RYR3: variants seen among roughly 807,000 people sequenced by gnomAD.
RYR3 encodes ryanodine receptor 3.
A neutral mutation model predicts 584.3 loss-of-function variants in RYR3; 207 were observed. That is an observed-to-expected ratio of 0.35 (90% CI 0.32 to 0.40). RYR3 has a LOEUF of 0.40. Among genes scored for constraint, RYR3 ranks in the 10% least tolerant of loss-of-function variants. RYR3 has a pLI of 1.00. For synonymous variants in RYR3, 2,416 were observed against 2,248.5 expected, an observed-to-expected ratio of 1.07 and a Z score of -2.11; for missense variants, 5,616 against 6,089.2, an observed-to-expected ratio of 0.92 and a Z score of 2.59.
At chr15:33,670,094 CCCCCAAACATT>C (rs1342119052) in intron 37 of RYR3, among the ~76,000 whole-genome samples, 3 of 152,094 alleles carry the variant, frequency 2.0e-5, no homozygotes, top group African/African-American at 7.2e-5. Context: ...AGGGCCACGT[CCCCCAAACATT>C]CTTCCAGAGG....
intron 67 of RYR3, among the ~76,000 whole-genome samples, chr15:33,794,337 A>G (rs1234307801): frequency 7.5e-6 from 1 of 132,564 alleles, no homozygotes; most frequent in Non-Finnish European, 1.6e-5. Flanking sequence ...ATATATGTTT[A>G]TATATATAAA....
At chr15:33,795,380 C>T (rs897938748) in intron 67 of RYR3, among the ~76,000 whole-genome samples, 10 of 92,452 alleles carry the variant, frequency 1.1e-4, no homozygotes, top group African/African-American at 3.5e-4. Context: ...TTTTTCTTTT[C>T]TTTTTTTTTT....
chr15:33,756,451 G>T (rs2071837384), intron 59 of RYR3, 78 bp downstream of exon 59: 1 of 1,036,482 alleles, frequency 9.6e-7, no homozygotes, highest in Non-Finnish European at 1.5e-6. Context: ...AGTGGATCCA[G>T]TGAAGATATC....
At chr15:33,601,598 G>C in intron 17 of RYR3, 46 bp downstream of exon 17, 1 of 1,605,486 alleles carries the variant, frequency 6.2e-7, no homozygotes, top group Non-Finnish European at 8.5e-7. Flanking sequence ...AGTTCTGCCT[G>C]TCTTGTCCCC....
At position 33,566,528 on chromosome 15, in the gene RYR3, CTTCGCTAATGTCCCA is replaced by C. The variant is rs2057725495; in HGVS notation, c.1147-146_1147-132del. 6 of 791,700 alleles carry C rather than the reference CTTCGCTAATGTCCCA, an allele frequency of 7.6e-6. No individual in the cohort carries two copies. In the East Asian group the frequency reaches 1.5e-4, roughly 20 times the overall value. The allele number at this position is 791,700 out of a possible 1,614,324, so 49.0% of individuals were successfully genotyped here. On this transcript the variant is annotated intron_variant, in intron 11 of 103. Coordinates refer to ENST00000634891, the MANE Select transcript of RYR3 (RefSeq NM_001036.6). ...CTAATAGGGCGTATGGGTGCAATAG[CTTCGCTAATGTCCCA>C]TTCTCAAAATGGACCCAAGAGAGCT...
rs189568341 is a variant in RYR3, at chr15:33,538,153, T to C, written c.434-1197T>C. Among the ~76,000 whole-genome samples the C allele has an allele frequency of 5.3e-5, 8 of 152,312 alleles. No homozygotes were observed. In the East Asian group the frequency reaches 1.4e-3, roughly 26 times the overall value. On this transcript the variant is annotated intron_variant, in intron 5 of 103. Coordinates refer to ENST00000634891, the MANE Select transcript of RYR3 (RefSeq NM_001036.6). The stretch of plus-strand genomic sequence containing the variant: ...TAATCTTTGCTTTCTCCAAGTCTCT[T>C]CTCTTTTCACTTTGTTTCTGTGGTT...
At chr15:33,704,332 A>G (rs1026912994) in intron 42 of RYR3, among the ~76,000 whole-genome samples, 1 of 152,158 alleles carries the variant, frequency 6.6e-6, no homozygotes, top group Non-Finnish European at 1.5e-5. Flanking sequence ...GTCCCAGTCA[A>G]TATAACTTAC....
chr15:33,353,179 A>G (rs1171132956), intron 1 of RYR3, among the ~76,000 whole-genome samples: 1 of 152,190 alleles, frequency 6.6e-6, no homozygotes, highest in Admixed American at 6.5e-5. Context: ...ACTGTGGGGA[A>G]GATAGTAATA....
intron 72 of RYR3, among the ~76,000 whole-genome samples, chr15:33,811,797 C>T (rs2076564036): frequency 6.6e-6 from 1 of 151,984 alleles, no homozygotes. Flanking sequence ...GATTTTGAAA[C>T]AAAATAATTT....
intron 1 of RYR3, among the ~76,000 whole-genome samples, chr15:33,388,590 TC>T (rs1311567471): frequency 1.1e-4 from 16 of 152,152 alleles, no homozygotes; most frequent in African/African-American, 3.9e-4. Context: ...CAAGTATAAA[TC>T]CCAGGATAAA....
At chr15:33,855,284 G>A (rs1032916543) in intron 98 of RYR3, among the ~76,000 whole-genome samples, 1 of 151,958 alleles carries the variant, frequency 6.6e-6, no homozygotes, top group East Asian at 1.9e-4. Flanking sequence ...TGCAACCTCC[G>A]ACTCCCAGGT....
rs189282419 is a variant in RYR3 at position 33,772,059 on chromosome 15, G to A, written c.8956G>A (p.Val2986Ile). ...FTHSRTQIKG[V>I]SQNINYTTVA... Reference sequence around the variant, plus strand: ...CCATTCCCGAACGCAGATTAAAGGCGTTTCTCAGAATATTAACTACACTAC... The same window carrying A: ...CCATTCCCGAACGCAGATTAAAGGCATTTCTCAGAATATTAACTACACTAC... Residue 2986 changes from valine (V) to isoleucine (I), a missense_variant, in exon 63 of 104, where the codon GTT becomes ATT. Around this residue, in one of 9 missense-constraint regions of RYR3, gnomAD observed 954 missense variants for 1,132.2 expected, o/e 0.84. Coordinates refer to ENST00000634891, the MANE Select transcript of RYR3 (RefSeq NM_001036.6). 532 of 1,613,686 alleles carry A rather than the reference G, an allele frequency of 3.3e-4. 1 individual carries two copies. The African/African-American group carries it at 5.9e-3, about 18-fold the overall frequency.
In RYR3 at chr15:33,413,725, C is replaced by T. The variant is rs191869689; in HGVS notation, c.52-59694C>T. Among the ~76,000 whole-genome samples, 701 of 152,338 alleles carry T rather than the reference C, an allele frequency of 4.6e-3. 8 individuals carry two copies. Among genetic ancestry groups the T allele is most frequent in the Non-Finnish European group, 3.6e-3 (247 of 68,032 alleles). On this transcript the variant is annotated intron_variant, in intron 1 of 103. Transcript: ENST00000634891. ...GCAGGCCTGTGGTCCTGTTCCCCCCCGCTCAGCTCTGCGCTGTTTCTGGGC... is the reference window on the plus strand; with the variant it reads ...GCAGGCCTGTGGTCCTGTTCCCCCCTGCTCAGCTCTGCGCTGTTTCTGGGC...
intron 12 of RYR3, among the ~76,000 whole-genome samples, chr15:33,569,077 T>G (rs1299857020): frequency 1.3e-5 from 2 of 152,186 alleles, no homozygotes; most frequent in Non-Finnish European, 2.9e-5. Flanking sequence ...TAGATAGAGA[T>G]GCACACATAA....
intron 50 of RYR3, 121 bp downstream of exon 50, chr15:33,738,711 G>A (rs1596371335): frequency 1.9e-6 from 2 of 1,033,526 alleles, no homozygotes; most frequent in East Asian, 4.8e-5. Context: ...TACTTCACAA[G>A]CATATTACGC....
At chr15:33,860,799 G>A in intron 101 of RYR3, 140 bp downstream of exon 101, 1 of 727,778 alleles carries the variant, frequency 1.4e-6, no homozygotes, top group Non-Finnish European at 2.3e-6. Flanking sequence ...CCTGTTCTCT[G>A]CACCCTGCCA....
At chr15:33,845,308 A>G (rs976549735) in intron 93 of RYR3, among the ~76,000 whole-genome samples, 5 of 152,178 alleles carry the variant, frequency 3.3e-5, no homozygotes, top group Admixed American at 3.3e-4. Flanking sequence ...GCTGGAGTGC[A>G]GTGGTGCAAG....
intron 1 of RYR3, among the ~76,000 whole-genome samples, chr15:33,472,363 A>T (rs1275671514): frequency 6.6e-6 from 1 of 152,210 alleles, no homozygotes; most frequent in African/African-American, 2.4e-5. Flanking sequence ...AAGAAAAATG[A>T]TTTCTACTTA....
intron 1 of RYR3, among the ~76,000 whole-genome samples, chr15:33,398,312 T>G (rs2042420548): frequency 6.6e-6 from 1 of 152,208 alleles, no homozygotes; most frequent in Admixed American, 6.5e-5. Context: ...GCTGTGGGTA[T>G]CAGGCGCACC....
Sources: gnomAD v4.1 joint callset for allele counts (sites outside exome capture counted in the v4.1 genomes callset) on GRCh38, gnomAD v4.1.1 for gene constraint, gnomAD v4.1.1 regional missense constraint, MANE v1.5 for transcripts, NCBI Gene and HGNC (gene_info 2026-07-23, HGNC 2026-07-21) for gene names.